The following PXDNL variants were observed in gnomAD, a reference collection of about 807,000 sequenced individuals.
The protein encoded by PXDNL is peroxidasin like, also known as probable oxidoreductase PXDNL.
In PXDNL, 145 loss-of-function variants were observed where a neutral mutation model predicts 150.8. The observed-to-expected ratio is 0.96, with a 90% confidence interval of 0.84 to 1.10. The LOEUF is 1.10. PXDNL is among the 50% of genes least tolerant of loss of function. The pLI, the probability that PXDNL is intolerant of heterozygous loss-of-function variation, is 0.00. For missense variants in PXDNL, 2,087 were observed against 1,873.9 expected, an observed-to-expected ratio of 1.11 and a Z score of -2.10; for synonymous variants, 757 against 725.7, an observed-to-expected ratio of 1.04 and a Z score of -0.69.
intron 19 of PXDNL, among the ~76,000 whole-genome samples, chr8:51,350,354 CTTTTTTT>C (rs1163628780): frequency 1.7e-4 from 13 of 77,894 alleles, no homozygotes; most frequent in Non-Finnish European, 2.7e-4. Flanking sequence ...AATGCAGCTT[CTTTTTTT>C]TTTTTTTTTT....
At chr8:51,547,945 T>C (rs1424797007) in intron 4 of PXDNL, among the ~76,000 whole-genome samples, 1 of 151,884 alleles carries the variant, frequency 6.6e-6, no homozygotes, top group Non-Finnish European at 1.5e-5. Flanking sequence ...AAATACAGAA[T>C]ATGAATGAAA....
At chr8:51,380,433 G>A (rs1807496945) in intron 17 of PXDNL, among the ~76,000 whole-genome samples, 1 of 152,150 alleles carries the variant, frequency 6.6e-6, no homozygotes, top group Non-Finnish European at 1.5e-5. Context: ...CAATATTACT[G>A]AATCTTTCTA....
At chr8:51,559,830 A>G (rs1051892759) in intron 3 of PXDNL, among the ~76,000 whole-genome samples, 2 of 152,032 alleles carry the variant, frequency 1.3e-5, no homozygotes, top group Admixed American at 1.3e-4. Context: ...TATTAACAGG[A>G]AAGAAGAAAG....
chr8:51,351,215 A>G (rs906866186), intron 19 of PXDNL, among the ~76,000 whole-genome samples: 1 of 152,234 alleles, frequency 6.6e-6, no homozygotes, highest in African/African-American at 2.4e-5. Flanking sequence ...CTCAAAATTC[A>G]TATGTTGAAA....
intron 1 of PXDNL, among the ~76,000 whole-genome samples, chr8:51,716,148 T>A (rs1479377996): frequency 2.0e-5 from 3 of 152,206 alleles, no homozygotes; most frequent in African/African-American, 7.2e-5. Context: ...CATTCGTCAA[T>A]GTCAGAAACA....
At chr8:51,688,326 G>A (rs919816253) in intron 1 of PXDNL, among the ~76,000 whole-genome samples, 1 of 151,942 alleles carries the variant, frequency 6.6e-6, no homozygotes, top group Admixed American at 6.6e-5. Context: ...ATTCATTTAA[G>A]AATTTTTAAA....
intron 1 of PXDNL, among the ~76,000 whole-genome samples, chr8:51,766,491 T>A (rs921120945): frequency 2.0e-5 from 3 of 152,074 alleles, no homozygotes; most frequent in Non-Finnish European, 2.9e-5. Context: ...GCCTAAAAAA[T>A]TCACTTTATC....
At chr8:51,438,196 C>T (rs1472841728) in intron 12 of PXDNL, among the ~76,000 whole-genome samples, 2 of 152,096 alleles carry the variant, frequency 1.3e-5, no homozygotes, top group African/African-American at 2.4e-5. Context: ...ACATCCTGTG[C>T]TCATGAATGG....
chr8:51,547,172 C>T (rs1812378958), intron 4 of PXDNL, among the ~76,000 whole-genome samples: 1 of 152,154 alleles, frequency 6.6e-6, no homozygotes, highest in Admixed American at 6.5e-5. Context: ...AAACCCATAT[C>T]CCCCTCCTAT....
At chr8:51,617,906 AC>A in intron 2 of PXDNL, among the ~76,000 whole-genome samples, 1 of 152,328 alleles carries the variant, frequency 6.6e-6, no homozygotes, top group South Asian at 2.1e-4. Flanking sequence ...AAACACACAA[AC>A]ACACATGCAT....
intron 12 of PXDNL, among the ~76,000 whole-genome samples, chr8:51,428,532 A>G (rs746682564): frequency 5.9e-5 from 9 of 152,198 alleles, no homozygotes; most frequent in Non-Finnish European, 1.2e-4. Flanking sequence ...ACAAATATCA[A>G]TGGGACACAG....
chr8:51,641,486 A>G, intron 2 of PXDNL, among the ~76,000 whole-genome samples: 1 of 152,158 alleles, frequency 6.6e-6, no homozygotes, highest in Admixed American at 6.5e-5. Context: ...CAGAATCTAC[A>G]ATGAACTCAA....
chr8:51,623,965 T>C (rs916643261), intron 2 of PXDNL, among the ~76,000 whole-genome samples: 1 of 151,860 alleles, frequency 6.6e-6, no homozygotes, highest in East Asian at 1.9e-4. Context: ...TGGTGGCGTA[T>C]TCCTGTAGTC....
chr8:51,517,690 A>T (rs1811573868), intron 4 of PXDNL, among the ~76,000 whole-genome samples: 1 of 152,376 alleles, frequency 6.6e-6, no homozygotes, highest in South Asian at 2.1e-4. Flanking sequence ...ATAATTTTAT[A>T]TGATCTTGTT....
chr8:51,718,864 C>T (rs542451489), intron 1 of PXDNL, among the ~76,000 whole-genome samples: 21 of 152,170 alleles, frequency 1.4e-4, no homozygotes, highest in Non-Finnish European at 2.6e-4. Flanking sequence ...TTTCAATTCA[C>T]CAGGATCCTG....
In PXDNL at chr8:51,556,909, T is replaced by C. The variant is rs1162207997; in HGVS notation, c.311A>G (p.Tyr104Cys). Reference protein sequence around the residue: ...FEGLENLLYLYLYKNEIHALD... With the variant: ...FEGLENLLYLCLYKNEIHALD... The stretch of plus-strand genomic sequence containing the variant: ...TGCATGGATTTCATTCTTATACAGG[T>C]ACCTGGAAAATATATAGAATGTCAT... The change falls in exon 4 of 23, where the codon TAC (tyrosine) becomes TGC (cysteine). Residue 104 changes from tyrosine to cysteine, a missense_variant and splice_region_variant. Tyr to Cys is a radical substitution (Grantham distance 194). Coordinates refer to ENST00000356297, the MANE Select transcript of PXDNL (RefSeq NM_144651.5). The C allele has an allele frequency of 3.3e-6, 5 of 1,528,932 alleles. No homozygotes were observed. The highest frequency in any genetic ancestry group is 1.4e-5 in the African/African-American group (1 of 73,030). The allele number at this position is 1,528,932 out of a possible 1,614,324, so 94.7% of individuals were successfully genotyped here. A position where few individuals can be genotyped will look rare whatever the true frequency, so the allele number is the denominator to read the frequency against.
chr8:51,640,050 T>C (rs929823501), intron 2 of PXDNL, among the ~76,000 whole-genome samples: 7 of 152,134 alleles, frequency 4.6e-5, no homozygotes, highest in African/African-American at 1.7e-4. Context: ...TGGTTCAATA[T>C]ATGCAAATCA....
intron 17 of PXDNL, among the ~76,000 whole-genome samples, chr8:51,376,409 G>A (rs1423638871): frequency 6.6e-6 from 1 of 152,144 alleles, no homozygotes; most frequent in Non-Finnish European, 1.5e-5. Flanking sequence ...ATTTCCAAGT[G>A]CCTGCTTGAA....
At chr8:51,660,050 G>A (rs1360123487) in intron 1 of PXDNL, among the ~76,000 whole-genome samples, 2 of 151,666 alleles carry the variant, frequency 1.3e-5, no homozygotes, top group East Asian at 2.0e-4. Flanking sequence ...CCACCATGTC[G>A]GGCTAATGTT....
Sources: gnomAD v4.1 joint callset for allele counts (sites outside exome capture counted in the v4.1 genomes callset) on GRCh38, gnomAD v4.1.1 for gene constraint, MANE v1.5 for transcripts, NCBI Gene and HGNC (gene_info 2026-07-23, HGNC 2026-07-21) for gene names.